The following QTMAN variants were observed in gnomAD, a reference collection of about 807,000 sequenced individuals.
The protein encoded by QTMAN is tRNA-queuosine alpha-mannosyltransferase.
the QTMAN span, among the ~76,000 whole-genome samples, chr2:144,153,896 C>T: frequency 2.0e-5 from 3 of 152,136 alleles, no homozygotes; most frequent in Non-Finnish European, 4.4e-5. Context: ...GACTTATTAT[C>T]CTCATTTTAC....
chr2:144,057,178 A>G, the QTMAN span, among the ~76,000 whole-genome samples: 1 of 152,234 alleles, frequency 6.6e-6, no homozygotes, highest in Non-Finnish European at 1.5e-5. Context: ...GTATGTTGTC[A>G]CTTAAGGCAA....
At chr2:144,075,804 A>T in the QTMAN span, among the ~76,000 whole-genome samples, 18 of 152,240 alleles carry the variant, frequency 1.2e-4, no homozygotes, top group Non-Finnish European at 2.9e-5. Flanking sequence ...TTCAACAAAC[A>T]TAGCCAAATG....
chr2:144,101,453 A>C, the QTMAN span, among the ~76,000 whole-genome samples: 1 of 152,126 alleles, frequency 6.6e-6, no homozygotes, highest in Non-Finnish European at 1.5e-5. Context: ...TTAAAAAGAT[A>C]GCCTTATAGT....
chr2:144,234,487 G>A, the QTMAN span, among the ~76,000 whole-genome samples: 2 of 152,076 alleles, frequency 1.3e-5, no homozygotes, highest in Non-Finnish European at 2.9e-5. Context: ...CAGATCCCAT[G>A]CTGGCATATT....
At chr2:144,216,677 T>C in the QTMAN span, among the ~76,000 whole-genome samples, 1 of 152,194 alleles carries the variant, frequency 6.6e-6, no homozygotes, top group African/African-American at 2.4e-5. Context: ...TCCATATAGA[T>C]ATGTGTTTAT....
At chr2:144,170,305 T>C in the QTMAN span, among the ~76,000 whole-genome samples, 1 of 152,160 alleles carries the variant, frequency 6.6e-6, no homozygotes, top group African/African-American at 2.4e-5. Flanking sequence ...TGCCACAGTG[T>C]CCTGGATGCT....
chr2:144,085,581 T>C, the QTMAN span, among the ~76,000 whole-genome samples: 1 of 152,190 alleles, frequency 6.6e-6, no homozygotes, highest in Non-Finnish European at 1.5e-5. Flanking sequence ...GTAATTCAAC[T>C]ATACATGTCC....
the QTMAN span, among the ~76,000 whole-genome samples, chr2:144,306,167 T>C: frequency 1.3e-5 from 2 of 152,226 alleles, no homozygotes; most frequent in African/African-American, 4.8e-5. Flanking sequence ...CCCTTTCCCA[T>C]GTTGAGGAAA....
the QTMAN span, among the ~76,000 whole-genome samples, chr2:144,047,504 T>C: frequency 6.6e-6 from 1 of 152,184 alleles, no homozygotes; most frequent in African/African-American, 2.4e-5. Flanking sequence ...CTTTTGCATA[T>C]ATACTGTACA....
At chr2:143,984,429 T>C in the QTMAN span, among the ~76,000 whole-genome samples, 1 of 152,134 alleles carries the variant, frequency 6.6e-6, no homozygotes, top group Admixed American at 6.5e-5. Flanking sequence ...ACTCCTTGAG[T>C]GCAAGACCAA....
At chr2:144,204,243 G>C in the QTMAN span, among the ~76,000 whole-genome samples, 74 of 152,142 alleles carry the variant, frequency 4.9e-4, no homozygotes, top group African/African-American at 6.5e-4. Context: ...TTGCAATCTG[G>C]TCATCTGACA....
chr2:144,002,632 C>T, the QTMAN span, among the ~76,000 whole-genome samples: 1 of 151,832 alleles, frequency 6.6e-6, no homozygotes, highest in Non-Finnish European at 1.5e-5. Context: ...TGAACTGTGT[C>T]AACATTTAGA....
the QTMAN span, among the ~76,000 whole-genome samples, chr2:144,201,937 T>C: frequency 6.6e-6 from 1 of 152,134 alleles, no homozygotes; most frequent in Non-Finnish European, 1.5e-5. Context: ...AAATACAGAA[T>C]TAAGTTCTTT....
At chr2:144,261,709 G>A in the QTMAN span, among the ~76,000 whole-genome samples, 3 of 152,172 alleles carry the variant, frequency 2.0e-5, no homozygotes, top group Non-Finnish European at 1.5e-5. Flanking sequence ...TTTGAAACTT[G>A]AAGTGCATTT....
chr2:144,115,458 G>T, the QTMAN span, among the ~76,000 whole-genome samples: 1 of 152,258 alleles, frequency 6.6e-6, no homozygotes, highest in East Asian at 1.9e-4. Context: ...AATTAACTGT[G>T]GCATCATTTG....
At chr2:144,241,294 G>A in the QTMAN span, among the ~76,000 whole-genome samples, 1 of 152,208 alleles carries the variant, frequency 6.6e-6, no homozygotes, top group African/African-American at 2.4e-5. Flanking sequence ...CTGCTTTAGA[G>A]TAAGAATGGC....
the QTMAN span, among the ~76,000 whole-genome samples, chr2:144,259,922 A>T: frequency 9.8e-5 from 15 of 152,346 alleles, no homozygotes; most frequent in African/African-American, 3.4e-4. Context: ...CTAAAACTAA[A>T]TAACTGTGAA....
the QTMAN span, among the ~76,000 whole-genome samples, chr2:144,090,572 AG>A: frequency 1.3e-5 from 2 of 152,106 alleles, no homozygotes; most frequent in Non-Finnish European, 2.9e-5. Flanking sequence ...TGTCCGGGCA[AG>A]GAACAGTCAG....
chr2:144,308,175 T>C, the QTMAN span, among the ~76,000 whole-genome samples: 1 of 147,954 alleles, frequency 6.8e-6, no homozygotes, highest in Non-Finnish European at 1.5e-5. Flanking sequence ...TTTTTTTTTT[T>C]TTTTTTTTTG....
Sources: gnomAD v4.1 joint callset for allele counts (sites outside exome capture counted in the v4.1 genomes callset) on GRCh38, gnomAD v4.1.1 for gene constraint, MANE v1.5 for transcripts, NCBI Gene and HGNC (gene_info 2026-07-23, HGNC 2026-07-21) for gene names.